Variants in DOCK10 observed in about 807,000 individuals in gnomAD.
The protein encoded by DOCK10 is dedicator of cytokinesis protein 10.
A neutral mutation model predicts 280.1 loss-of-function variants in DOCK10; 145 were observed. That is an observed-to-expected ratio of 0.52 (90% CI 0.45 to 0.59). The LOEUF is 0.59. Among genes scored for constraint, DOCK10 ranks in the 20% least tolerant of loss-of-function variants. The pLI, the probability that DOCK10 is intolerant of heterozygous loss-of-function variation, is 0.00. For synonymous variants in DOCK10, 915 were observed against 942.2 expected (o/e 0.97, Z 0.53); for missense variants, 2,368 against 2,651.7 (o/e 0.89, Z 2.35).
Position 224,807,893 on chromosome 2 carries a change from G to T in DOCK10, c.3585+18C>A. The T allele has an allele frequency of 6.2e-7, 1 of 1,605,422 alleles. No homozygotes were observed. Among genetic ancestry groups the T allele is most frequent in the Non-Finnish European group, 8.5e-7 (1 of 1,173,728 alleles). On this transcript the variant is annotated intron_variant, in intron 32 of 55. Coordinates refer to ENST00000258390, the MANE Select transcript of DOCK10 (RefSeq NM_014689.3). ...CATTAAATGGTGTTTAGGGAAGGGA[G>T]AAAGGAAGATCACTTACTGGCTCTC...
chr2:224,869,264 G>C (rs1246978908), intron 11 of DOCK10, among the ~76,000 whole-genome samples: 1 of 152,170 alleles, frequency 6.6e-6, no homozygotes, highest in Non-Finnish European at 1.5e-5. Flanking sequence ...CCATCAACTT[G>C]AATTTGGTTT....
chr2:224,805,612 A>G lies in DOCK10; in HGVS notation c.3815-83T>C, dbSNP rs17271539. ...AAAAGGTTCACATGATGAACCAAAA[A>G]GATGTTGATACTGAGGTAGCAGCAG... On this transcript the variant is annotated intron_variant, in intron 34 of 55. Coordinates refer to ENST00000258390, the MANE Select transcript of DOCK10 (RefSeq NM_014689.3). The surrounding 1 kb of genome is among the most constrained non-coding windows in gnomAD (Gnocchi z 4.3). 25,057 of 1,558,738 alleles carry G rather than the reference A, an allele frequency of 0.016. 246 individuals carry two copies. Among genetic ancestry groups the G allele is most frequent in the Non-Finnish European group, 0.019 (21,278 of 1,144,406 alleles).
intron 1 of DOCK10, among the ~76,000 whole-genome samples, chr2:224,955,720 T>A (rs768427921): frequency 3.3e-5 from 5 of 152,252 alleles, no homozygotes; most frequent in Admixed American, 2.0e-4. Flanking sequence ...TTGTTGAATT[T>A]CCTTTATTTA....
chr2:224,767,924 T>C (rs1690167516), intron 55 of DOCK10, among the ~76,000 whole-genome samples: 1 of 152,198 alleles, frequency 6.6e-6, no homozygotes, highest in African/African-American at 2.4e-5. Flanking sequence ...TTTCTTTTTT[T>C]TTTTTTAAGA....
intron 1 of DOCK10, among the ~76,000 whole-genome samples, chr2:224,992,446 A>T (rs1164673303): frequency 6.6e-6 from 1 of 152,238 alleles, no homozygotes; most frequent in East Asian, 1.9e-4. Context: ...GGAGTCGCCC[A>T]AAGTATCATT....
At position 224,784,339 on chromosome 2, in the gene DOCK10, T is replaced by G. The variant is rs867936870; in HGVS notation, c.5655+2683A>C. On this transcript the variant is annotated intron_variant, in intron 50 of 55. Transcript: ENST00000258390. ...ACTCCAACTTCCAAAATTCTGACCA[T>G]TCTGGTCTCCTTAATAAGCTGCAAC... Among the ~76,000 whole-genome samples, 15 of 152,290 alleles carry G rather than the reference T, an allele frequency of 9.8e-5. 1 individual carries two copies. The South Asian group carries it at 1.2e-3, about 13-fold the overall frequency.
At chr2:225,015,230 C>T (rs973986555) in intron 1 of DOCK10, among the ~76,000 whole-genome samples, 3 of 151,994 alleles carry the variant, frequency 2.0e-5, no homozygotes, top group Non-Finnish European at 2.9e-5. Context: ...AACACTTTTC[C>T]TTGTATTCTT....
intron 24 of DOCK10, 71 bp downstream of exon 24, chr2:224,839,883 T>G (rs1365872489): frequency 3.2e-6 from 2 of 627,036 alleles, no homozygotes; most frequent in East Asian, 5.7e-5. Context: ...AGATGACTGT[T>G]TAGTTATAAT....
intron 11 of DOCK10, among the ~76,000 whole-genome samples, chr2:224,870,243 A>T (rs1462758878): frequency 2.6e-5 from 4 of 152,034 alleles, no homozygotes; most frequent in African/African-American, 9.7e-5. Flanking sequence ...TTCCATGATG[A>T]TTGTAAGTTT....
chr2:224,938,291 C>A (rs1452862515), intron 1 of DOCK10, among the ~76,000 whole-genome samples: 1 of 152,110 alleles, frequency 6.6e-6, no homozygotes, highest in African/African-American at 2.4e-5. Context: ...ATTCTATTTT[C>A]AATATTCATA....
At chr2:224,793,528 C>A (rs182893395) in intron 45 of DOCK10, 71 bp from the exon 46 acceptor site, 48 of 1,219,530 alleles carry the variant, frequency 3.9e-5, no homozygotes, top group Non-Finnish European at 5.6e-5. Context: ...TCTTCCAAGG[C>A]GAGTCAGTAT....
chr2:224,844,689 G>A (rs890987072), intron 22 of DOCK10, 64 bp downstream of exon 22: 82 of 1,030,722 alleles, frequency 8.0e-5, no homozygotes, highest in Non-Finnish European at 1.1e-4. Flanking sequence ...CCTGTAAATA[G>A]GGGAATTACC....
At chr2:224,896,604 C>A (rs945445144) in intron 3 of DOCK10, among the ~76,000 whole-genome samples, 3 of 152,086 alleles carry the variant, frequency 2.0e-5, no homozygotes, top group Admixed American at 2.0e-4. Context: ...GTAATCCCAC[C>A]TACTCGGGAG....
At chr2:224,940,035 G>A (rs1702934907) in intron 1 of DOCK10, among the ~76,000 whole-genome samples, 1 of 152,136 alleles carries the variant, frequency 6.6e-6, no homozygotes, top group South Asian at 2.1e-4. Context: ...TGGTGGATTT[G>A]ACTAATGAAA....
chr2:224,991,565 G>GA (rs150157841), intron 1 of DOCK10, among the ~76,000 whole-genome samples: 3,240 of 152,206 alleles, frequency 0.021, 108 homozygotes, highest in African/African-American at 0.074. Flanking sequence ...AAGTCATGCG[G>GA]AAACAGTAAC....
chr2:224,839,217 T>G (rs534665576), intron 24 of DOCK10, among the ~76,000 whole-genome samples: 7 of 151,410 alleles, frequency 4.6e-5, no homozygotes, highest in Non-Finnish European at 8.8e-5. Context: ...TAGCTGGGAC[T>G]ACAGGCACCC....
chr2:224,912,586 A>G (rs1701086605), intron 3 of DOCK10, among the ~76,000 whole-genome samples: 1 of 152,240 alleles, frequency 6.6e-6, no homozygotes, highest in East Asian at 1.9e-4. Context: ...CTTGTGAGGT[A>G]GCCAATGTTA....
chr2:224,783,594 C>A (rs1181976090), intron 50 of DOCK10, among the ~76,000 whole-genome samples: 1 of 151,716 alleles, frequency 6.6e-6, no homozygotes, highest in Non-Finnish European at 1.5e-5. Flanking sequence ...TTTATAAAGA[C>A]AAGTGAGAGT....
chr2:224,932,412 G>T (rs965383470), intron 1 of DOCK10, among the ~76,000 whole-genome samples: 1 of 152,074 alleles, frequency 6.6e-6, no homozygotes, highest in East Asian at 1.9e-4. Flanking sequence ...TTCATTATAG[G>T]GTTGATGTGT....
Sources: gnomAD v4.1 joint callset for allele counts (sites outside exome capture counted in the v4.1 genomes callset) on GRCh38, gnomAD v4.1.1 for gene constraint, Gnocchi (gnomAD v3.1) non-coding constraint, MANE v1.5 for transcripts, NCBI Gene and HGNC (gene_info 2026-07-23, HGNC 2026-07-21) for gene names.